ZFPM2: variants seen among roughly 807,000 people sequenced by gnomAD.
ZFPM2 encodes zinc finger protein, FOG family member 2, also known as zinc finger protein ZFPM2.
In ZFPM2, 20 loss-of-function variants were observed where a neutral mutation model predicts 98.6. That is an observed-to-expected ratio of 0.20 (90% CI 0.14 to 0.29). The LOEUF (loss-of-function observed/expected upper bound fraction) is 0.29. Ranked by LOEUF, ZFPM2 falls within the 10% of genes least tolerant of loss-of-function variation. ZFPM2 has a pLI of 1.00. For missense variants in ZFPM2, 1,310 were observed against 1,388.6 expected (o/e 0.94, Z 0.90); for synonymous variants, 518 against 502.7 (o/e 1.03, Z -0.41).
chr8:105,740,901 G>T (rs1812200113), intron 5 of ZFPM2, among the ~76,000 whole-genome samples: 1 of 152,064 alleles, frequency 6.6e-6, no homozygotes, highest in African/African-American at 2.4e-5. Context: ...AGATAAGTTG[G>T]TGAGGGAAGA....
chr8:105,619,541 T>G (rs1586154078), intron 4 of ZFPM2, among the ~76,000 whole-genome samples: 1 of 152,290 alleles, frequency 6.6e-6, no homozygotes, highest in Non-Finnish European at 1.5e-5. Context: ...TTTTTAATTT[T>G]TTTAAATCAT....
At chr8:105,794,229 T>A (rs924690361) in intron 6 of ZFPM2, among the ~76,000 whole-genome samples, 1 of 152,120 alleles carries the variant, frequency 6.6e-6, no homozygotes, top group Non-Finnish European at 1.5e-5. Flanking sequence ...TCTTTGATGA[T>A]GGTGATGTAC....
intron 3 of ZFPM2, among the ~76,000 whole-genome samples, chr8:105,498,027 C>CAAAAAAAA (rs1195802124): frequency 3.2e-5 from 2 of 61,906 alleles, no homozygotes; most frequent in African/African-American, 5.5e-5. Context: ...CCGTCTCTAC[C>CAAAAAAAA]AAAAAAAAAA....
At chr8:105,355,323 T>C (rs888303721) in intron 1 of ZFPM2, among the ~76,000 whole-genome samples, 1 of 152,230 alleles carries the variant, frequency 6.6e-6, no homozygotes, top group African/African-American at 2.4e-5. Context: ...CATACTATGC[T>C]AAGGAGTTTT....
At chr8:105,394,128 A>C (rs890125132) in intron 1 of ZFPM2, among the ~76,000 whole-genome samples, 8 of 151,918 alleles carry the variant, frequency 5.3e-5, no homozygotes, top group East Asian at 1.9e-4. Flanking sequence ...CTCCTGACCT[A>C]GTGATTCGCC....
At chr8:105,438,343 A>T (rs1182886763) in intron 2 of ZFPM2, among the ~76,000 whole-genome samples, 4 of 152,186 alleles carry the variant, frequency 2.6e-5, no homozygotes, top group Non-Finnish European at 1.5e-5. Flanking sequence ...TTTGTTTTGT[A>T]TTCTCAGTGC....
At chr8:105,712,075 T>C (rs1811414371) in intron 5 of ZFPM2, among the ~76,000 whole-genome samples, 1 of 152,014 alleles carries the variant, frequency 6.6e-6, no homozygotes, top group South Asian at 2.1e-4. Context: ...ATTTAGTTAG[T>C]ACAGAGGCTG....
At chr8:105,759,549 G>A (rs1159835889) in intron 5 of ZFPM2, among the ~76,000 whole-genome samples, 5 of 151,516 alleles carry the variant, frequency 3.3e-5, no homozygotes, top group Non-Finnish European at 4.4e-5. Context: ...ATGTGATTCC[G>A]GTTGATGCAT....
At chr8:105,711,529 T>C (rs781368618) in intron 5 of ZFPM2, among the ~76,000 whole-genome samples, 1 of 152,130 alleles carries the variant, frequency 6.6e-6, no homozygotes, top group South Asian at 2.1e-4. Context: ...ACATACTCTT[T>C]GTAATTCCTA....
intron 4 of ZFPM2, among the ~76,000 whole-genome samples, chr8:105,563,423 G>A (rs1355801489): frequency 6.6e-6 from 1 of 152,170 alleles, no homozygotes; most frequent in Non-Finnish European, 1.5e-5. Flanking sequence ...AAAGGATGAA[G>A]TAGGGGTTTT....
intron 4 of ZFPM2, among the ~76,000 whole-genome samples, chr8:105,629,545 T>G (rs2130831420): frequency 6.6e-6 from 1 of 152,330 alleles, no homozygotes; most frequent in African/African-American, 2.4e-5. Context: ...AACAGAAATT[T>G]ATTATCTCAT....
chr8:105,729,334 G>T (rs997463784), intron 5 of ZFPM2, among the ~76,000 whole-genome samples: 1 of 151,088 alleles, frequency 6.6e-6, no homozygotes, highest in East Asian at 2.0e-4. Context: ...AAGCACTCAG[G>T]TTTTTAAATT....
intron 3 of ZFPM2, among the ~76,000 whole-genome samples, chr8:105,552,327 C>T (rs1033115683): frequency 2.0e-5 from 3 of 152,140 alleles, no homozygotes; most frequent in African/African-American, 7.2e-5. Flanking sequence ...CTCTTACTTC[C>T]AAGATGATAC....
intron 5 of ZFPM2, among the ~76,000 whole-genome samples, chr8:105,687,454 G>A (rs1244056530): frequency 6.6e-6 from 1 of 151,990 alleles, no homozygotes; most frequent in Non-Finnish European, 1.5e-5. Context: ...AACTAAAAGA[G>A]AATGAAAAAG....
chr8:105,632,898 AG>A (rs1816779395), intron 4 of ZFPM2, among the ~76,000 whole-genome samples: 1 of 152,190 alleles, frequency 6.6e-6, no homozygotes, highest in Admixed American at 6.5e-5. Context: ...TATTTGAAGT[AG>A]TTTTTTTTCA....
At chr8:105,357,964 A>AAGC (rs1479815917) in intron 1 of ZFPM2, among the ~76,000 whole-genome samples, 1 of 152,234 alleles carries the variant, frequency 6.6e-6, no homozygotes, top group African/African-American at 2.4e-5. Context: ...TCCAAGTTAA[A>AAGC]AGCAAAATCC....
intron 5 of ZFPM2, among the ~76,000 whole-genome samples, chr8:105,713,163 CA>C (rs1437048463): frequency 6.6e-6 from 1 of 151,972 alleles, no homozygotes; most frequent in Non-Finnish European, 1.5e-5. Flanking sequence ...AGCATATAAA[CA>C]TTCCTTTTTT....
rs576889950 is a variant in ZFPM2 at position 105,665,697 on chromosome 8, C to T, written c.532+31340C>T. 5.9e-5 allele frequency among the ~76,000 whole-genome samples: 9 copies of T among 152,284 alleles called. No individual in the cohort carries two copies. In the South Asian group the frequency reaches 1.2e-3, roughly 21 times the overall value. On this transcript the variant is annotated intron_variant, in intron 5 of 7. Transcript: ENST00000407775. ...TAAACCACTTGGTACCAGAACAGCT[C>T]GGGTTCTATTCCTGGCTCCCCATTT...
At chr8:105,736,368 A>C (rs1220180534) in intron 5 of ZFPM2, among the ~76,000 whole-genome samples, 1 of 152,008 alleles carries the variant, frequency 6.6e-6, no homozygotes, top group Non-Finnish European at 1.5e-5. Context: ...TTTGACCTTG[A>C]GCCTCATATC....
Sources: allele counts gnomAD v4.1 joint callset (sites outside exome capture counted in the v4.1 genomes callset), GRCh38; gene constraint gnomAD v4.1.1; transcripts MANE v1.5; gene names NCBI Gene and HGNC (gene_info 2026-07-23, HGNC 2026-07-21).